MSI1: variants seen among roughly 807,000 people sequenced by gnomAD.
The protein encoded by MSI1 is musashi RNA binding protein 1.
Under a neutral mutation model 54.4 loss-of-function variants are expected in MSI1, and 15 were observed. The observed-to-expected ratio is 0.28, with a 90% CI of 0.18 to 0.42. The LOEUF (loss-of-function observed/expected upper bound fraction) is 0.42, where lower values mean the gene tolerates loss of function less well. Ranked by LOEUF, MSI1 falls within the 20% of genes least tolerant of loss-of-function variation. The pLI is 1.00. For synonymous variants in MSI1, 200 were observed against 196.5 expected (o/e 1.02, Z -0.15); for missense variants, 304 against 506.0 (o/e 0.60, Z 3.83).
chr12:120,364,311 C>A (rs573191374), intron 5 of MSI1, among the ~76,000 whole-genome samples: 1 of 152,258 alleles, frequency 6.6e-6, no homozygotes, highest in Admixed American at 6.5e-5. Context: ...AAGGGTAGCT[C>A]CCTAGCCTGC....
intron 8 of MSI1, 75 bp downstream of exon 8, chr12:120,357,741 T>A (rs1875259449): frequency 1.4e-6 from 2 of 1,423,922 alleles, no homozygotes; most frequent in Non-Finnish European, 2.0e-6. Context: ...CCTGACCTCA[T>A]GTAATCTGCC....
chr12:120,346,474 AC>A, intron 12 of MSI1, 152 bp from the exon 13 acceptor site: 1 of 710,538 alleles, frequency 1.4e-6, no homozygotes, highest in Non-Finnish European at 2.1e-6. Context: ...ATGCCCATCC[AC>A]CCAGTCACCC....
At chr12:120,364,291 G>A (rs1875880554) in intron 5 of MSI1, among the ~76,000 whole-genome samples, 1 of 152,110 alleles carries the variant, frequency 6.6e-6, no homozygotes, top group Admixed American at 6.5e-5. Context: ...AAGGGTGACT[G>A]GGGGGATCCA....
At chr12:120,340,733 T>C (rs1356170918), downstream of MSI1, among the ~76,000 whole-genome samples, 1 of 151,724 alleles carries the variant, frequency 6.6e-6, no homozygotes, top group East Asian at 1.9e-4. Context: ...AGGCTGGTCT[T>C]GAACCCCTGG....
At chr12:120,365,915 G>A (rs1165025332) in intron 4 of MSI1, among the ~76,000 whole-genome samples, 1 of 152,154 alleles carries the variant, frequency 6.6e-6, no homozygotes, top group African/African-American at 2.4e-5. Flanking sequence ...GAGATAACGC[G>A]GGTGAAAGCG....
At chr12:120,355,453 AG>A (rs1193362431) in intron 9 of MSI1, among the ~76,000 whole-genome samples, 7 of 152,088 alleles carry the variant, frequency 4.6e-5, no homozygotes, top group Non-Finnish European at 8.8e-5. Context: ...TTATAAACTT[AG>A]GAAGTTGATA....
chr12:120,349,923 TATA>T (rs1444650205), intron 11 of MSI1, among the ~76,000 whole-genome samples: 2 of 152,230 alleles, frequency 1.3e-5, no homozygotes, highest in African/African-American at 4.8e-5. Context: ...GACTTATTTA[TATA>T]ATAAGTATTT....
At chr12:120,347,377 T>G (rs959674321) in intron 12 of MSI1, 69 bp downstream of exon 12, 28 of 1,569,474 alleles carry the variant, frequency 1.8e-5, no homozygotes, top group Non-Finnish European at 2.4e-5. Context: ...AGTGGCCTTC[T>G]CCCCTCCCCT....
chr12:120,345,662 T>C, intron 13 of MSI1, 30 bp from the exon 14 acceptor site: 1 of 1,613,138 alleles, frequency 6.2e-7, no homozygotes, highest in Non-Finnish European at 8.5e-7. Flanking sequence ...ACTCCTAGAT[T>C]CCTGGGAAAT....
At position 120,342,587 on chromosome 12, in the gene MSI1, T is replaced by C. The variant is rs949238923; in HGVS notation, c.*540A>G. 6.7e-6 allele frequency: 1 copy of C among 149,956 alleles called. No individual in the cohort carries two copies. The highest frequency in any genetic ancestry group is 2.5e-5 in the African/African-American group (1 of 40,444). 9.3% of individuals were successfully genotyped at this position (149,956 alleles called of 1,614,324 possible). ...CAGCTGGTGGGGGGCACCTGGCCCC[T>C]TGCCCCCTGCGGCCTGGGGCTTCAC... On this transcript the variant is annotated 3_prime_UTR_variant, in exon 15 of 15. Transcript: ENST00000257552.
Position 120,368,390 on chromosome 12 carries a change from G to C in MSI1, c.101-117C>G. On this transcript the variant is annotated intron_variant, in intron 2 of 14. Transcript: ENST00000257552. The surrounding 1 kb of genome is among the most constrained non-coding windows in gnomAD (Gnocchi z 6.6). ...GCCGCCCCCGCGCCAAGCTGCCCGC[G>C]CGTTCTCCACTGCCGCCGCCCCCCA... 4.5e-6 allele frequency: 5 copies of C among 1,104,454 alleles called. No homozygotes were observed. Among genetic ancestry groups the C allele is most frequent in the Non-Finnish European group, 6.2e-6 (5 of 808,352 alleles). The allele number at this position is 1,104,454 out of a possible 1,614,324, so 68.4% of individuals were successfully genotyped here.
rs563429820 is a variant in MSI1, at chr12:120,345,432, C to T, written c.*21+138G>A. On this transcript the variant is annotated intron_variant, in intron 14 of 14. Coordinates refer to ENST00000257552, the MANE Select transcript of MSI1 (RefSeq NM_002442.4). ...GTGAGCAGCTTTTCATCTTTATTGA[C>T]CACAGCTGGTATAAAGATCTGTCTC... The T allele has an allele frequency of 4.3e-5, 30 of 699,862 alleles. 1 individual carries two copies. In the African/African-American group the frequency reaches 4.3e-4, roughly 10 times the overall value. 43.4% of individuals were successfully genotyped at this position (699,862 alleles called of 1,614,324 possible). A position where few individuals can be genotyped will look rare whatever the true frequency, so the allele number is the denominator to read the frequency against.
rs569087924 is a variant in MSI1, at chr12:120,365,042, C to T, written c.268-287G>A. On this transcript the variant is annotated intron_variant, in intron 4 of 14. Coordinates refer to ENST00000257552, the MANE Select transcript of MSI1 (RefSeq NM_002442.4). ...TCTCCTGCCTCAGCCTCCCTAGTAG[C>T]TGGGATTACAGGTGCGCACCACCAC... 5.4e-3 allele frequency among the ~76,000 whole-genome samples: 827 copies of T among 152,306 alleles called. 5 individuals are homozygous for T. Among genetic ancestry groups the T allele is most frequent in the Non-Finnish European group, 8.6e-3 (585 of 68,022 alleles).
In MSI1 at chr12:120,358,106, T is replaced by C. The variant is rs148790339; in HGVS notation, c.452-208A>G. 7.9e-3 allele frequency among the ~76,000 whole-genome samples: 1,202 copies of C among 152,232 alleles called. 22 individuals are homozygous for C. Among genetic ancestry groups the C allele is most frequent in the African/African-American group, 0.028 (1,149 of 41,538 alleles). ...ACAGATGAGGAAAATAAGGTTCAGG[T>C]AAGTGAAGTAACTTGCCCAAGGTCA... On this transcript the variant is annotated intron_variant, in intron 7 of 14. Transcript: ENST00000257552.
intron 11 of MSI1, 75 bp from the exon 12 acceptor site, chr12:120,347,589 G>A: frequency 6.3e-7 from 1 of 1,579,094 alleles, no homozygotes; most frequent in South Asian, 1.1e-5. Context: ...CTACCTTTTA[G>A]GCAGAGCCTG....
intron 9 of MSI1, 132 bp downstream of exon 9, chr12:120,356,770 G>T: frequency 1.2e-6 from 1 of 814,582 alleles, no homozygotes; most frequent in Non-Finnish European, 2.0e-6. Flanking sequence ...CAGATCCCTT[G>T]TCCCCACTCC....
intron 8 of MSI1, 136 bp from the exon 9 acceptor site, chr12:120,357,155 A>C (rs565598252): frequency 1.4e-4 from 109 of 768,258 alleles, no homozygotes; most frequent in Middle Eastern, 2.3e-4. Context: ...CCACTGATGG[A>C]GCACTCACTA....
At chr12:120,363,206 C>T (rs1375618364) in intron 5 of MSI1, 71 bp from the exon 6 acceptor site, 4 of 1,351,734 alleles carry the variant, frequency 3.0e-6, no homozygotes, top group South Asian at 1.2e-5. Flanking sequence ...GGGGCTCGAG[C>T]CCCCCTGCCA....
chr12:120,364,652 G>A, intron 5 of MSI1, 62 bp downstream of exon 5: 1 of 1,469,214 alleles, frequency 6.8e-7, no homozygotes, highest in East Asian at 2.5e-5. Flanking sequence ...GAAATACTGG[G>A]AAAATCACTG....
Sources: allele counts gnomAD v4.1 joint callset (sites outside exome capture counted in the v4.1 genomes callset), GRCh38; gene constraint gnomAD v4.1.1; non-coding constraint Gnocchi (gnomAD v3.1); transcripts MANE v1.5; gene names NCBI Gene and HGNC (gene_info 2026-07-23, HGNC 2026-07-21).